PTP4A1: variants seen among roughly 807,000 people sequenced by gnomAD.
The protein encoded by PTP4A1 is protein tyrosine phosphatase 4A1.
PTP4A1 carries 9 observed loss-of-function variants against 20.5 expected under a neutral mutation model. That is an observed-to-expected ratio of 0.44 (90% CI 0.26 to 0.77). PTP4A1 has a LOEUF of 0.77. Among genes scored for constraint, PTP4A1 ranks in the 30% least tolerant of loss-of-function variants. PTP4A1 has a pLI of 0.19. For missense variants in PTP4A1, 137 were observed against 218.8 expected (o/e 0.63, Z 2.36); for synonymous variants, 78 against 67.4 (o/e 1.16, Z -0.77).
chr6:63,563,243 G>A (rs1480290269), intron 3 of PTP4A1, among the ~76,000 whole-genome samples: 6 of 152,184 alleles, frequency 3.9e-5, no homozygotes, highest in Admixed American at 3.9e-4. Context: ...TTCACTGTCA[G>A]CAAAATAAAT....
chr6:63,549,502 T>A, intron 2 of PTP4A1: 1 of 754,064 alleles, frequency 1.3e-6, no homozygotes, highest in South Asian at 1.4e-5. Flanking sequence ...TTCTTTCCTT[T>A]CGGCAGGAGG....
At chr6:63,578,407 T>C (rs1050927689) in intron 2 of PTP4A1, 30 bp from the exon 3 acceptor site, 2 of 1,593,000 alleles carry the variant, frequency 1.3e-6, no homozygotes, top group Non-Finnish European at 1.7e-6. Context: ...GGTTAAACAT[T>C]AAGATTTTTT....
chr6:63,548,658 T>G, intron 2 of PTP4A1: 2 of 421,900 alleles, frequency 4.7e-6, no homozygotes, highest in Non-Finnish European at 4.3e-6. Flanking sequence ...TCAAGGAAAA[T>G]TTGTTCTATT....
At chr6:63,553,493 G>C (rs1187583744) in intron 3 of PTP4A1, among the ~76,000 whole-genome samples, 1 of 152,176 alleles carries the variant, frequency 6.6e-6, no homozygotes, top group Non-Finnish European at 1.5e-5. Context: ...GGCCAAGACA[G>C]GTTAATGAAA....
In PTP4A1 at chr6:63,581,142, ATTT is replaced by A. The variant is rs376737099; in HGVS notation, c.*976_*978del. 1 of 150,074 alleles carries A rather than the reference ATTT, an allele frequency of 6.7e-6. No homozygotes were observed. The highest frequency in any genetic ancestry group is 1.5e-5 in the Non-Finnish European group (1 of 67,280). The allele number at this position is 150,074 out of a possible 1,614,324, so 9.3% of individuals were successfully genotyped here. On this transcript the variant is annotated 3_prime_UTR_variant, in exon 6 of 6. Coordinates refer to ENST00000626021, the MANE Select transcript of PTP4A1 (RefSeq NM_003463.5). ...CAACTTATTTTTGTTTGAAAGTGTG[ATTT>A]TTTTTTTCCTTCCCAACCTCTCTTG...
intron 1 of PTP4A1, among the ~76,000 whole-genome samples, chr6:63,523,596 T>C (rs1775030649): frequency 6.6e-6 from 1 of 152,200 alleles, no homozygotes; most frequent in African/African-American, 2.4e-5. Context: ...TCCATGTCAA[T>C]CTACTATAAG....
chr6:63,547,368 T>G (rs1379375676), intron 2 of PTP4A1, among the ~76,000 whole-genome samples: 1 of 151,046 alleles, frequency 6.6e-6, no homozygotes, highest in East Asian at 1.9e-4. Flanking sequence ...TTTTGTATTT[T>G]TAGTAGAGAT....
chr6:63,546,661 G>C (rs999679432), intron 2 of PTP4A1, among the ~76,000 whole-genome samples: 1 of 151,842 alleles, frequency 6.6e-6, no homozygotes, highest in Non-Finnish European at 1.5e-5. Context: ...AGCTGAGATC[G>C]TGCCATTGTA....
intron 3 of PTP4A1, among the ~76,000 whole-genome samples, chr6:63,564,420 G>C (rs1236408653): frequency 6.6e-6 from 1 of 152,156 alleles, no homozygotes; most frequent in Non-Finnish European, 1.5e-5. Flanking sequence ...AAGCAACTGT[G>C]TTAGGATAAG....
rs1417127247 is a variant in PTP4A1 at position 63,582,558 on chromosome 6, A to T, written c.*2384A>T. The T allele has an allele frequency of 6.6e-6, 1 of 152,616 alleles. No homozygotes were observed. The highest frequency in any genetic ancestry group is 2.4e-5 in the African/African-American group (1 of 41,452). 9.5% of individuals were successfully genotyped at this position (152,616 alleles called of 1,614,324 possible). On this transcript the variant is annotated 3_prime_UTR_variant, in exon 6 of 6. Coordinates refer to ENST00000626021, the MANE Select transcript of PTP4A1 (RefSeq NM_003463.5). ...ATATCTAATAAGAGTTCAAAGAGTTATGAGTTGAAGTCTTGAATGCAGGAA... is the reference window on the plus strand; with the variant it reads ...ATATCTAATAAGAGTTCAAAGAGTTTTGAGTTGAAGTCTTGAATGCAGGAA...
At chr6:63,557,735 C>T (rs1013910397) in intron 3 of PTP4A1, among the ~76,000 whole-genome samples, 5 of 151,886 alleles carry the variant, frequency 3.3e-5, no homozygotes, top group African/African-American at 7.3e-5. Context: ...GAGTGGAGCA[C>T]GAGGTAGGGC....
At chr6:63,559,182 AT>A (rs1776822973) in intron 3 of PTP4A1, among the ~76,000 whole-genome samples, 1 of 152,216 alleles carries the variant, frequency 6.6e-6, no homozygotes, top group African/African-American at 2.4e-5. Flanking sequence ...TACAAATAAC[AT>A]GCTAATGAGG....
chr6:63,534,773 T>TTTC (rs997759693), intron 2 of PTP4A1, among the ~76,000 whole-genome samples: 6 of 52,864 alleles, frequency 1.1e-4, no homozygotes, highest in African/African-American at 4.8e-4. Flanking sequence ...CATGGTAAAA[T>TTTC]TTCTTTACTA....
At chr6:63,521,892 G>C (rs960585193) in intron 1 of PTP4A1, 2 of 152,032 alleles carry the variant, frequency 1.3e-5, no homozygotes, top group Admixed American at 1.3e-4. Context: ...TAGAACAATG[G>C]GAATCTTATA....
intron 3 of PTP4A1, among the ~76,000 whole-genome samples, chr6:63,560,111 A>G (rs755577196): frequency 3.3e-5 from 5 of 152,176 alleles, no homozygotes; most frequent in Admixed American, 6.5e-5. Context: ...CCTCTCAATA[A>G]AAATGAATTA....
chr6:63,544,727 A>G (rs187449575), intron 2 of PTP4A1, among the ~76,000 whole-genome samples: 1 of 152,238 alleles, frequency 6.6e-6, no homozygotes, highest in Admixed American at 6.5e-5. Context: ...TTTCCTCATG[A>G]TTAGATTCAG....
intron 4 of PTP4A1, 24 bp downstream of exon 4, chr6:63,579,052 T>A (rs1202167318): frequency 6.4e-7 from 1 of 1,551,938 alleles, no homozygotes; most frequent in Non-Finnish European, 8.7e-7. Context: ...TCAATTTGAT[T>A]CTAGGTAAAA....
At chr6:63,525,357 G>C (rs918604534) in intron 1 of PTP4A1, among the ~76,000 whole-genome samples, 1 of 152,134 alleles carries the variant, frequency 6.6e-6, no homozygotes, top group African/African-American at 2.4e-5. Flanking sequence ...TCTGCCAATG[G>C]GGGAGCTAGA....
chr6:63,525,992 G>A (rs374753840), intron 1 of PTP4A1, among the ~76,000 whole-genome samples: 12 of 152,154 alleles, frequency 7.9e-5, no homozygotes, highest in African/African-American at 4.8e-5. Context: ...ATACAAAAGA[G>A]TGGTGCCAGG....
Sources: gnomAD v4.1 joint callset for allele counts (sites outside exome capture counted in the v4.1 genomes callset) on GRCh38, gnomAD v4.1.1 for gene constraint, MANE v1.5 for transcripts, NCBI Gene and HGNC (gene_info 2026-07-23, HGNC 2026-07-21) for gene names.